The following CREB5 variants were observed in gnomAD, a reference collection of about 807,000 sequenced individuals.
CREB5 encodes cyclic AMP-responsive element-binding protein 5.
Under a neutral mutation model 57.1 loss-of-function variants are expected in CREB5, and 19 were observed. That is an observed-to-expected ratio of 0.33 (90% CI 0.23 to 0.49). The LOEUF is 0.49. Ranked by LOEUF, CREB5 falls within the 20% of genes least tolerant of loss-of-function variation. The pLI is 0.99. For synonymous variants in CREB5, 238 were observed against 238.3 expected (o/e 1.00, Z 0.01); for missense variants, 579 against 671.6 (o/e 0.86, Z 1.52).
chr7:28,497,342 C>T (rs1170515336), intron 3 of CREB5, among the ~76,000 whole-genome samples: 2 of 152,242 alleles, frequency 1.3e-5, no homozygotes, highest in African/African-American at 4.8e-5. Flanking sequence ...TGCAATTGTT[C>T]TTACCGGATC....
At position 28,580,592 on chromosome 7, in the gene CREB5, TGAGA is replaced by T. The variant is rs201639370; in HGVS notation, c.464+10062_464+10065del. On this transcript the variant is annotated intron_variant, in intron 5 of 10. Transcript: ENST00000357727. ...GTGTGTGTGTGTGTGTGTGTGTGTG[TGAGA>T]GAGAGATAGACAGATTTTTATAAAA... Among the ~76,000 whole-genome samples, 250 of 143,792 alleles carry T rather than the reference TGAGA, an allele frequency of 1.7e-3. 1 individual carries two copies. The highest frequency in any genetic ancestry group is 7.5e-3 in the Middle Eastern group (2 of 268). 94.3% of individuals were successfully genotyped at this position (143,792 alleles called of 152,430 possible).
intron 5 of CREB5, among the ~76,000 whole-genome samples, chr7:28,663,743 G>A (rs1156511123): frequency 2.0e-5 from 3 of 152,166 alleles, no homozygotes; most frequent in Non-Finnish European, 2.9e-5. Context: ...TAGATAGAGA[G>A]ATTCTAATCA....
At chr7:28,732,439 A>G (rs532661335) in intron 7 of CREB5, among the ~76,000 whole-genome samples, 114 of 152,110 alleles carry the variant, frequency 7.5e-4, no homozygotes, top group Non-Finnish European at 1.4e-3. Context: ...ACCCCCTCTC[A>G]GACAAAGTTT....
intron 1 of CREB5, among the ~76,000 whole-genome samples, chr7:28,330,050 A>C (rs1263306714): frequency 6.6e-6 from 1 of 152,200 alleles, no homozygotes; most frequent in South Asian, 2.1e-4. Flanking sequence ...GATGCCTGCA[A>C]GGTTAGGTCC....
chr7:28,597,939 A>G (rs1433922749), intron 5 of CREB5, among the ~76,000 whole-genome samples: 1 of 152,158 alleles, frequency 6.6e-6, no homozygotes, highest in African/African-American at 2.4e-5. Flanking sequence ...AGAAATATAT[A>G]TGTATATATT....
intron 5 of CREB5, among the ~76,000 whole-genome samples, chr7:28,601,793 G>T (rs1796929253): frequency 6.6e-6 from 1 of 152,142 alleles, no homozygotes; most frequent in Non-Finnish European, 1.5e-5. Context: ...TGTTAATTCA[G>T]TTCTTCTATC....
At chr7:28,314,796 G>A (rs1439020382) in intron 1 of CREB5, among the ~76,000 whole-genome samples, 1 of 152,178 alleles carries the variant, frequency 6.6e-6, no homozygotes, top group Non-Finnish European at 1.5e-5. Context: ...GATCACCGGT[G>A]TGCAATTTGA....
intron 1 of CREB5, among the ~76,000 whole-genome samples, chr7:28,325,115 A>C (rs984197155): frequency 2.6e-5 from 4 of 152,190 alleles, no homozygotes; most frequent in Non-Finnish European, 4.4e-5. Context: ...TTCTACACTT[A>C]TACACTTATA....
chr7:28,665,980 C>T (rs944928152), intron 5 of CREB5, among the ~76,000 whole-genome samples: 1 of 152,062 alleles, frequency 6.6e-6, no homozygotes. Context: ...ATTAAATGGC[C>T]TAAACTTTCT....
intron 4 of CREB5, among the ~76,000 whole-genome samples, chr7:28,510,974 C>A (rs1432355439): frequency 1.3e-5 from 2 of 151,998 alleles, no homozygotes; most frequent in African/African-American, 4.8e-5. Context: ...ATTTTTCATT[C>A]AAGAAACATT....
chr7:28,790,887 A>G (rs2128791183), intron 7 of CREB5, among the ~76,000 whole-genome samples: 1 of 152,282 alleles, frequency 6.6e-6, no homozygotes, highest in South Asian at 2.1e-4. Context: ...TGCCATCACC[A>G]TTTCCACTTG....
At chr7:28,553,436 T>C (rs757518116) in intron 4 of CREB5, among the ~76,000 whole-genome samples, 5 of 152,348 alleles carry the variant, frequency 3.3e-5, no homozygotes, top group Non-Finnish European at 5.9e-5. Context: ...AAAATTTTAT[T>C]TGGGAAAGGA....
At chr7:28,698,280 G>A (rs1477197939) in intron 5 of CREB5, among the ~76,000 whole-genome samples, 1 of 151,056 alleles carries the variant, frequency 6.6e-6, no homozygotes, top group Non-Finnish European at 1.5e-5. Flanking sequence ...AAGAAAAAAA[G>A]GCCTGCGGGA....
chr7:28,703,866 A>G (rs952509144), intron 5 of CREB5, among the ~76,000 whole-genome samples: 1 of 152,212 alleles, frequency 6.6e-6, no homozygotes, highest in Non-Finnish European at 1.5e-5. Flanking sequence ...ATATCTGGGC[A>G]ACCCATGGCC....
chr7:28,551,020 G>A (rs759963637), intron 4 of CREB5, among the ~76,000 whole-genome samples: 1 of 152,128 alleles, frequency 6.6e-6, no homozygotes, highest in Non-Finnish European at 1.5e-5. Context: ...TGGATTTGCT[G>A]AGAAACACAT....
intron 1 of CREB5, among the ~76,000 whole-genome samples, chr7:28,485,199 C>T (rs1791500453): frequency 6.6e-6 from 1 of 152,152 alleles, no homozygotes; most frequent in African/African-American, 2.4e-5. Flanking sequence ...TAATGAATCT[C>T]TTTAAACTTT....
intron 4 of CREB5, among the ~76,000 whole-genome samples, chr7:28,551,038 C>T (rs993282387): frequency 6.6e-6 from 1 of 152,070 alleles, no homozygotes; most frequent in African/African-American, 2.4e-5. Flanking sequence ...CATCTGTTAT[C>T]AAATTTGCCA....
intron 1 of CREB5, among the ~76,000 whole-genome samples, chr7:28,317,870 T>C (rs1785411869): frequency 6.6e-6 from 1 of 152,206 alleles, no homozygotes. Flanking sequence ...ATGGAATGAC[T>C]GCAGTGTAAT....
intron 1 of CREB5, among the ~76,000 whole-genome samples, chr7:28,407,233 AG>A (rs1787601234): frequency 6.6e-6 from 1 of 152,102 alleles, no homozygotes; most frequent in South Asian, 2.1e-4. Context: ...TATTTTCAGT[AG>A]AGACGGGCGT....
Sources: gnomAD v4.1 joint callset for allele counts (sites outside exome capture counted in the v4.1 genomes callset) on GRCh38, gnomAD v4.1.1 for gene constraint, MANE v1.5 for transcripts, NCBI Gene and HGNC (gene_info 2026-07-23, HGNC 2026-07-21) for gene names.